LRRFIP1: variants seen among roughly 807,000 people sequenced by gnomAD.
LRRFIP1 encodes leucine-rich repeat flightless-interacting protein 1.
In LRRFIP1, 62 loss-of-function variants were observed where a neutral mutation model predicts 104.4. That is an observed-to-expected ratio of 0.59 (90% CI 0.48 to 0.73). The LOEUF (loss-of-function observed/expected upper bound fraction) is 0.73, where lower values mean the gene tolerates loss of function less well. Ranked by LOEUF, LRRFIP1 falls within the 30% of genes least tolerant of loss-of-function variation. The probability of loss-of-function intolerance (pLI) is 0.00; values close to 1 mark genes in which losing one functional copy is unlikely to be tolerated. For missense variants in LRRFIP1, 796 were observed against 824.5 expected (o/e 0.97, Z 0.42); for synonymous variants, 300 against 299.0 (o/e 1.00, Z -0.03).
At chr2:237,737,436 A>G (rs1306625133) in intron 10 of LRRFIP1, among the ~76,000 whole-genome samples, 1 of 152,216 alleles carries the variant, frequency 6.6e-6, no homozygotes, top group Non-Finnish European at 1.5e-5. Flanking sequence ...ACTCCTAAAC[A>G]TAAGGTGCAC....
chr2:237,657,587 T>C (rs2087049150), intron 1 of LRRFIP1, among the ~76,000 whole-genome samples: 1 of 152,180 alleles, frequency 6.6e-6, no homozygotes, highest in Non-Finnish European at 1.5e-5. Flanking sequence ...AAGAAAGTTA[T>C]GGCAATGTCT....
intron 1 of LRRFIP1, among the ~76,000 whole-genome samples, chr2:237,638,012 G>A (rs2083342504): frequency 6.6e-6 from 1 of 152,274 alleles, no homozygotes; most frequent in South Asian, 2.1e-4. Context: ...TTTGGCACCA[G>A]GGACCAGTTT....
At chr2:237,632,114 C>A (rs7599317) in intron 1 of LRRFIP1, among the ~76,000 whole-genome samples, 1 of 142,626 alleles carries the variant, frequency 7.0e-6, no homozygotes, top group South Asian at 2.2e-4. Flanking sequence ...AGTCCAGTTG[C>A]GGAGAAGGGG....
In LRRFIP1 at chr2:237,733,788, C is replaced by T. The variant is rs1559717313; in HGVS notation, c.459C>T (p.Tyr153=). 1 of 1,614,048 alleles carries T rather than the reference C, an allele frequency of 6.2e-7. No individual in the cohort carries two copies. The highest frequency in any genetic ancestry group is 2.2e-5 in the East Asian group (1 of 44,892). The change falls in exon 9 of 24, where the codon TAC becomes TAT. Residue 153 remains tyrosine, a synonymous_variant. Transcript: ENST00000308482. ...NRRSGRPSCL[Y]SAARPSGSYR... ...TCATCCTCCAGCCCTCCTGTCTGTA[C>T]AGCGCTGCCCGGCCTTCGGGGAGTT...
chr2:237,705,095 C>A (rs6761882), intron 1 of LRRFIP1, among the ~76,000 whole-genome samples: 5 of 152,020 alleles, frequency 3.3e-5, no homozygotes, highest in African/African-American at 4.8e-5. Context: ...CAATACTGCA[C>A]GCTCAGGCAG....
At chr2:237,635,580 A>C (rs188683243) in intron 1 of LRRFIP1, among the ~76,000 whole-genome samples, 1 of 152,228 alleles carries the variant, frequency 6.6e-6, no homozygotes, top group Non-Finnish European at 1.5e-5. Flanking sequence ...CCAGCAACTC[A>C]GGAGGCTAAG....
intron 1 of LRRFIP1, among the ~76,000 whole-genome samples, chr2:237,671,432 T>G (rs951358399): frequency 6.6e-6 from 1 of 152,262 alleles, no homozygotes; most frequent in Non-Finnish European, 1.5e-5. Context: ...GCTCTCTTAC[T>G]GGCTTATAGG....
Position 237,708,528 on chromosome 2 carries a change from GC to G in LRRFIP1, c.97-13del, listed in dbSNP as rs1310404422. On this transcript the variant is annotated splice_polypyrimidine_tract_variant and intron_variant, in intron 1 of 23. Transcript: ENST00000308482. The stretch of plus-strand genomic sequence containing the variant: ...CCGCTGCTCTGTCCTCTAATAAGAT[GC>G]CCTGTCCGTTTCAGGCGGAAGCCCG... The G allele has an allele frequency of 6.4e-7, 1 of 1,553,784 alleles. No homozygotes were observed. Among genetic ancestry groups the G allele is most frequent in the African/African-American group, 1.3e-5 (1 of 74,112 alleles).
At chr2:237,770,173 CAA>C in intron 20 of LRRFIP1, 181 bp downstream of exon 20, 1 of 592,062 alleles carries the variant, frequency 1.7e-6, no homozygotes, top group South Asian at 2.1e-5. Context: ...TATTTTCATC[CAA>C]AGAGAACATC....
intron 1 of LRRFIP1, among the ~76,000 whole-genome samples, chr2:237,701,451 G>A (rs2093521176): frequency 6.6e-6 from 1 of 152,240 alleles, no homozygotes; most frequent in Non-Finnish European, 1.5e-5. Context: ...AGGGCGTGCG[G>A]GAGGGCTCTC....
chr2:237,708,450 G>A, intron 1 of LRRFIP1, 94 bp from the exon 2 acceptor site: 10 of 913,490 alleles, frequency 1.1e-5, no homozygotes, highest in Non-Finnish European at 1.6e-5. Context: ...GTTAAACTCT[G>A]AACAAGATTT....
In LRRFIP1 at chr2:237,748,276, T is replaced by C; in HGVS notation, c.634-88T>C. 3.0e-6 allele frequency: 3 copies of C among 993,434 alleles called. No individual in the cohort carries two copies. In the South Asian group the frequency reaches 4.2e-5, roughly 14 times the overall value. 61.5% of individuals were successfully genotyped at this position (993,434 alleles called of 1,614,324 possible). A position where few individuals can be genotyped will look rare whatever the true frequency, so the allele number is the denominator to read the frequency against. ...TACAAAGGAAGCAAATGTTTTGTTT[T>C]GTTTTGTTTATCATTCATAGCCCCA... On this transcript the variant is annotated intron_variant, in intron 11 of 23. Transcript: ENST00000308482.
chr2:237,739,542 C>T (rs1478859479), intron 11 of LRRFIP1, among the ~76,000 whole-genome samples: 6 of 152,166 alleles, frequency 3.9e-5, no homozygotes, highest in Admixed American at 6.5e-5. Flanking sequence ...GCCATGTGCA[C>T]GGATGTGTGG....
chr2:237,652,059 TTAGTGAAAAG>T (rs995140575), intron 1 of LRRFIP1, among the ~76,000 whole-genome samples: 6 of 152,224 alleles, frequency 3.9e-5, no homozygotes, highest in African/African-American at 1.4e-4. Flanking sequence ...CGTCCCATGT[TTAGTGAAAAG>T]TAGGTGCAGG....
At chr2:237,708,734 A>C in intron 2 of LRRFIP1, 104 bp downstream of exon 2, 2 of 1,276,860 alleles carry the variant, frequency 1.6e-6, no homozygotes, top group Non-Finnish European at 2.2e-6. Flanking sequence ...TGGCTGTCTC[A>C]CGTTGCTCAC....
chr2:237,733,642 G>GT, intron 8 of LRRFIP1, 132 bp from the exon 9 acceptor site: 1 of 807,326 alleles, frequency 1.2e-6, no homozygotes. Flanking sequence ...GCCTCGATCG[G>GT]TTTGTTTCTG....
At position 237,764,363 on chromosome 2, in the gene LRRFIP1, G is replaced by A. The variant is rs530812539; in HGVS notation, c.1459+4158G>A. ...AAAGACATATTTGTTATCAGTGTAC[G>A]TTCTAATTGAGAGCATTCCAGTAGT... On this transcript the variant is annotated intron_variant, in intron 19 of 23. Transcript: ENST00000308482. The A allele has an allele frequency of 9.9e-5, 144 of 1,456,916 alleles. No individual in the cohort carries two copies. The East Asian group carries it at 2.9e-3, about 29-fold the overall frequency. 90.2% of individuals were successfully genotyped at this position (1,456,916 alleles called of 1,614,324 possible).
intron 8 of LRRFIP1, among the ~76,000 whole-genome samples, chr2:237,731,744 C>T (rs570727321): frequency 1.3e-5 from 2 of 152,340 alleles, no homozygotes; most frequent in Admixed American, 1.3e-4. Flanking sequence ...CCAAGTTCAG[C>T]CTGCATCTGA....
At chr2:237,699,231 T>C (rs921353540) in intron 1 of LRRFIP1, among the ~76,000 whole-genome samples, 2 of 152,246 alleles carry the variant, frequency 1.3e-5, no homozygotes, top group Admixed American at 6.5e-5. Context: ...TCCATGTCGA[T>C]TGCATTCCTG....
Sources: gnomAD v4.1 joint callset for allele counts (sites outside exome capture counted in the v4.1 genomes callset) on GRCh38, gnomAD v4.1.1 for gene constraint, MANE v1.5 for transcripts, NCBI Gene and HGNC (gene_info 2026-07-23, HGNC 2026-07-21) for gene names.